Variants in CNTN4 observed in about 807,000 individuals in gnomAD.
CNTN4 encodes contactin-4.
A neutral mutation model predicts 122.5 loss-of-function variants in CNTN4; 77 were observed. That is an observed-to-expected ratio of 0.63 (90% confidence interval 0.52 to 0.76). The LOEUF is 0.76. CNTN4 is among the 30% of genes least tolerant of loss of function. The probability of loss-of-function intolerance (pLI) is 0.00; values close to 1 mark genes in which losing one functional copy is unlikely to be tolerated. For missense variants in CNTN4, 1,256 were observed against 1,259.1 expected (o/e 1.00, Z 0.04); for synonymous variants, 512 against 447.0 (o/e 1.15, Z -1.83).
At chr3:2,614,958 A>C (rs1330499399) in intron 4 of CNTN4, among the ~76,000 whole-genome samples, 1 of 152,182 alleles carries the variant, frequency 6.6e-6, no homozygotes, top group Non-Finnish European at 1.5e-5. Context: ...TTATTTATTG[A>C]AACATTTGTC....
rs190490714 is a variant in CNTN4 at position 2,692,267 on chromosome 3, A to T, written c.56-43948A>T. Among the ~76,000 whole-genome samples the T allele has an allele frequency of 3.2e-4, 49 of 152,236 alleles. No homozygotes were observed. The East Asian group carries it at 6.0e-3, about 19-fold the overall frequency. ...CAAGAAGCAGCTTTGCTTCTAAGAGAGTTTGATGTTCTCCTTTCGGAAAAG... is the reference window on the plus strand; with the variant it reads ...CAAGAAGCAGCTTTGCTTCTAAGAGTGTTTGATGTTCTCCTTTCGGAAAAG... On this transcript the variant is annotated intron_variant, in intron 4 of 24. Transcript: ENST00000418658.
At chr3:2,524,220 A>C (rs1419536978) in intron 3 of CNTN4, among the ~76,000 whole-genome samples, 1 of 152,066 alleles carries the variant, frequency 6.6e-6, no homozygotes, top group African/African-American at 2.4e-5. Flanking sequence ...GTTTTATATA[A>C]ATGGAATCAT....
chr3:2,706,489 G>A (rs1447105723), intron 4 of CNTN4, among the ~76,000 whole-genome samples: 2 of 152,084 alleles, frequency 1.3e-5, no homozygotes, highest in Non-Finnish European at 1.5e-5. Context: ...TGCAATTTGC[G>A]ATTTGCAAAA....
chr3:2,779,585 A>G (rs1190519965), intron 6 of CNTN4, among the ~76,000 whole-genome samples: 2 of 152,232 alleles, frequency 1.3e-5, no homozygotes, highest in Non-Finnish European at 1.5e-5. Context: ...AGTGAGACTA[A>G]TAAGAGTTTG....
chr3:2,470,376 T>C (rs77540495), intron 3 of CNTN4, among the ~76,000 whole-genome samples: 2,089 of 152,270 alleles, frequency 0.014, 54 homozygotes, highest in African/African-American at 0.048. Flanking sequence ...CGCCTGGCCA[T>C]GTTGCTTATT....
chr3:2,847,300 C>A (rs1475171962), intron 7 of CNTN4, among the ~76,000 whole-genome samples: 1 of 151,910 alleles, frequency 6.6e-6, no homozygotes, highest in East Asian at 1.9e-4. Context: ...CTGAGATCAC[C>A]CCTTGCTCAT....
chr3:2,825,759 G>A (rs781188523), intron 7 of CNTN4, among the ~76,000 whole-genome samples: 1 of 152,110 alleles, frequency 6.6e-6, no homozygotes, highest in Non-Finnish European at 1.5e-5. Flanking sequence ...ATTGTTATTG[G>A]TGAATGTATG....
intron 2 of CNTN4, among the ~76,000 whole-genome samples, chr3:2,191,878 C>T (rs950181797): frequency 6.6e-6 from 1 of 152,000 alleles, no homozygotes; most frequent in Non-Finnish European, 1.5e-5. Context: ...ATGCCTCCCC[C>T]CTCCCCCCAC....
chr3:2,239,888 A>C (rs1363474210), intron 2 of CNTN4, among the ~76,000 whole-genome samples: 4 of 152,200 alleles, frequency 2.6e-5, no homozygotes, highest in African/African-American at 9.7e-5. Flanking sequence ...ACCTGACGTA[A>C]AACTCAGGAC....
chr3:2,988,958 ATGCTT>A, intron 14 of CNTN4: 3 of 166,554 alleles, frequency 1.8e-5, no homozygotes, highest in Admixed American at 1.7e-4. Context: ...GATCACCTCT[ATGCTT>A]TGCCTTAGTC....
intron 2 of CNTN4, among the ~76,000 whole-genome samples, chr3:2,157,422 C>T (rs1272901019): frequency 1.3e-5 from 2 of 152,028 alleles, no homozygotes; most frequent in East Asian, 3.9e-4. Context: ...TGGGATTATT[C>T]AGAACAATCT....
At chr3:2,460,354 T>G (rs2049160035) in intron 3 of CNTN4, among the ~76,000 whole-genome samples, 1 of 152,080 alleles carries the variant, frequency 6.6e-6, no homozygotes, top group Non-Finnish European at 1.5e-5. Flanking sequence ...TCGTGCCAGG[T>G]CACTAGAGAT....
intron 4 of CNTN4, among the ~76,000 whole-genome samples, chr3:2,673,628 C>T (rs889198228): frequency 1.3e-5 from 2 of 152,238 alleles, no homozygotes; most frequent in South Asian, 2.1e-4. Flanking sequence ...GCAAGCTGCA[C>T]CTCACGGGTT....
intron 3 of CNTN4, among the ~76,000 whole-genome samples, chr3:2,364,521 A>T (rs977264602): frequency 2.6e-5 from 4 of 152,118 alleles, no homozygotes; most frequent in Non-Finnish European, 4.4e-5. Flanking sequence ...CTGAGGTTAG[A>T]TCATTTCAAA....
chr3:2,628,071 A>G (rs554893843), intron 4 of CNTN4, among the ~76,000 whole-genome samples: 14 of 152,138 alleles, frequency 9.2e-5, no homozygotes, highest in Admixed American at 8.5e-4. Flanking sequence ...AGCTAGACAT[A>G]TTTCCCCTTT....
chr3:2,943,628 A>ATTTTT (rs1231116494), intron 13 of CNTN4, among the ~76,000 whole-genome samples: 2 of 60,956 alleles, frequency 3.3e-5, no homozygotes, highest in Non-Finnish European at 7.3e-5. Flanking sequence ...ATATATATAT[A>ATTTTT]TATTTTTTTT....
intron 2 of CNTN4, among the ~76,000 whole-genome samples, chr3:2,283,097 C>G (rs1408080053): frequency 6.6e-6 from 1 of 151,998 alleles, no homozygotes; most frequent in Non-Finnish European, 1.5e-5. Flanking sequence ...ATACTAAAAA[C>G]CATTGAAGTG....
At chr3:2,640,714 G>A (rs2082863509) in intron 4 of CNTN4, among the ~76,000 whole-genome samples, 1 of 152,050 alleles carries the variant, frequency 6.6e-6, no homozygotes, top group South Asian at 2.1e-4. Flanking sequence ...GTATGAGGAA[G>A]GTCTATGATC....
chr3:2,624,622 T>A lies in CNTN4; in HGVS notation c.55+53064T>A, dbSNP rs74282237. Reference sequence around the variant, plus strand: ...AGTCTTGGCTCTTAATTGGAATTTCTGATTCTTTTTTTTTTTTTTTTTTTT... The same window carrying A: ...AGTCTTGGCTCTTAATTGGAATTTCAGATTCTTTTTTTTTTTTTTTTTTTT... On this transcript the variant is annotated intron_variant, in intron 4 of 24. Coordinates refer to ENST00000418658, the MANE Select transcript of CNTN4 (RefSeq NM_175607.3). Among the ~76,000 whole-genome samples, 1,399 of 148,742 alleles carry A rather than the reference T, an allele frequency of 9.4e-3. 22 individuals are homozygous for A. The highest frequency in any genetic ancestry group is 0.031 in the Admixed American group (439 of 14,282).
Sources: allele counts gnomAD v4.1 joint callset (sites outside exome capture counted in the v4.1 genomes callset), GRCh38; gene constraint gnomAD v4.1.1; transcripts MANE v1.5; gene names NCBI Gene and HGNC (gene_info 2026-07-23, HGNC 2026-07-21).